Variants in ST6GALNAC3 observed in about 807,000 individuals in gnomAD.
ST6GALNAC3 encodes the protein alpha-N-acetylgalactosaminide alpha-2,6-sialyltransferase 3.
ST6GALNAC3 carries 25 observed loss-of-function variants against 32.7 expected under a neutral mutation model. The ratio of observed to expected loss-of-function variants is 0.76; its 90% confidence interval spans 0.56 to 1.07. The LOEUF (loss-of-function observed/expected upper bound fraction) is 1.07, where lower values mean the gene tolerates loss of function less well. Ranked by LOEUF, ST6GALNAC3 falls within the 50% of genes least tolerant of loss-of-function variation. ST6GALNAC3 has a pLI of 0.00. For missense variants in ST6GALNAC3, 355 were observed against 382.4 expected (o/e 0.93, Z 0.60); for synonymous variants, 129 against 133.1 (o/e 0.97, Z 0.21).
At chr1:76,458,666 A>T (rs1283855477) in intron 3 of ST6GALNAC3, among the ~76,000 whole-genome samples, 1 of 147,460 alleles carries the variant, frequency 6.8e-6, no homozygotes, top group Non-Finnish European at 1.5e-5. Flanking sequence ...ATTCTCACTC[A>T]TAGGTGGGAA....
rs971022276 is a variant in ST6GALNAC3 at position 76,412,376 on chromosome 1, T to C, written c.582T>C (p.Ser194=). ...QIYVTTEKRM[S]YCDGVFKKET... ...ACGTGACCACAGAGAAGCGCATGAGTTACTGTGATGGAGTTTTTAAGAAGG... is the reference window on the plus strand; with the variant it reads ...ACGTGACCACAGAGAAGCGCATGAGCTACTGTGATGGAGTTTTTAAGAAGG... Residue 194 remains serine, a synonymous_variant, in exon 3 of 5, where the codon AGT becomes AGC. Coordinates refer to ENST00000328299, the MANE Select transcript of ST6GALNAC3 (RefSeq NM_152996.4). 1 of 1,609,808 alleles carries C rather than the reference T, an allele frequency of 6.2e-7. No individual in the cohort carries two copies.
chr1:76,164,363 A>G (rs1409033244), intron 1 of ST6GALNAC3, among the ~76,000 whole-genome samples: 1 of 152,154 alleles, frequency 6.6e-6, no homozygotes, highest in Admixed American at 6.6e-5. Context: ...CTGCCCAACT[A>G]AAGGGAACTT....
intron 2 of ST6GALNAC3, among the ~76,000 whole-genome samples, chr1:76,319,708 C>T (rs4421636): frequency 0.39 from 59,807 of 151,890 alleles, 13,856 homozygotes; most frequent in East Asian, 0.82. Context: ...CCGAACATTC[C>T]CATTTATGTA....
intron 1 of ST6GALNAC3, among the ~76,000 whole-genome samples, chr1:76,109,405 C>T (rs2100798147): frequency 6.6e-6 from 1 of 152,300 alleles, no homozygotes; most frequent in South Asian, 2.1e-4. Context: ...GCAGGTTTGT[C>T]ATTTGTTGTT....
At chr1:76,622,656 T>C (rs559636269) in intron 3 of ST6GALNAC3, among the ~76,000 whole-genome samples, 1 of 152,068 alleles carries the variant, frequency 6.6e-6, no homozygotes, top group East Asian at 1.9e-4. Flanking sequence ...CTGTCCAAAA[T>C]GTTAATAGTG....
chr1:76,131,539 C>A (rs1037443837), intron 1 of ST6GALNAC3, among the ~76,000 whole-genome samples: 1 of 152,116 alleles, frequency 6.6e-6, no homozygotes, highest in African/African-American at 2.4e-5. Flanking sequence ...AAGCTGCCAC[C>A]GACTCAGAAA....
intron 3 of ST6GALNAC3, among the ~76,000 whole-genome samples, chr1:76,485,428 A>G (rs1172841149): frequency 2.6e-5 from 4 of 152,154 alleles, no homozygotes; most frequent in African/African-American, 9.7e-5. Context: ...CAGGGATTCA[A>G]CTTCTTCCTG....
At chr1:76,259,463 A>C (rs930067197) in intron 1 of ST6GALNAC3, among the ~76,000 whole-genome samples, 1 of 152,186 alleles carries the variant, frequency 6.6e-6, no homozygotes, top group African/African-American at 2.4e-5. Context: ...AACACTTAGC[A>C]TAATGCCTGG....
chr1:76,478,368 C>T (rs977192902), intron 3 of ST6GALNAC3, among the ~76,000 whole-genome samples: 2 of 152,286 alleles, frequency 1.3e-5, no homozygotes, highest in African/African-American at 2.4e-5. Flanking sequence ...CTGTCCTGAA[C>T]GTTCGCAAAC....
intron 2 of ST6GALNAC3, among the ~76,000 whole-genome samples, chr1:76,391,074 G>A (rs1652505085): frequency 6.6e-6 from 1 of 151,178 alleles, no homozygotes; most frequent in South Asian, 2.1e-4. Flanking sequence ...CGAGTAGCTG[G>A]GACTACGGGC....
At chr1:76,500,261 G>C (rs1661100333) in intron 3 of ST6GALNAC3, among the ~76,000 whole-genome samples, 1 of 152,062 alleles carries the variant, frequency 6.6e-6, no homozygotes, top group Non-Finnish European at 1.5e-5. Flanking sequence ...TCTTTTACAA[G>C]CTGGAGCTGC....
intron 2 of ST6GALNAC3, among the ~76,000 whole-genome samples, chr1:76,355,529 A>G (rs989221170): frequency 6.6e-6 from 1 of 152,220 alleles, no homozygotes; most frequent in Admixed American, 6.5e-5. Context: ...CTTGAGTTGA[A>G]ACAATTTATG....
downstream of ST6GALNAC3, among the ~76,000 whole-genome samples, chr1:76,635,355 G>C (rs1273880388): frequency 6.6e-6 from 1 of 152,146 alleles, no homozygotes; most frequent in African/African-American, 2.4e-5. Flanking sequence ...CAAAATGAGA[G>C]TCATCTTTGG....
intron 1 of ST6GALNAC3, among the ~76,000 whole-genome samples, chr1:76,159,403 C>T (rs1038411952): frequency 1.3e-5 from 2 of 152,118 alleles, no homozygotes; most frequent in South Asian, 2.1e-4. Context: ...AGGCTGGTCT[C>T]GAACTCCTAG....
rs564727821 is a variant in ST6GALNAC3 at position 76,594,565 on chromosome 1, T to C, written c.624-32887T>C. 5.3e-5 allele frequency among the ~76,000 whole-genome samples: 8 copies of C among 152,278 alleles called. No homozygotes were observed. In the East Asian group the frequency reaches 1.2e-3, roughly 22 times the overall value. On this transcript the variant is annotated intron_variant, in intron 3 of 4. Transcript: ENST00000328299. ...TTTCTCCTCCTAAAGGAAAACTAAA[T>C]AACAATAGATAAATAGATGGATGGA...
intron 3 of ST6GALNAC3, among the ~76,000 whole-genome samples, chr1:76,446,001 A>C (rs960088021): frequency 3.9e-5 from 6 of 152,032 alleles, no homozygotes; most frequent in Non-Finnish European, 2.9e-5. Flanking sequence ...GTCTCTCAAC[A>C]CCTTCTTTTT....
intron 3 of ST6GALNAC3, among the ~76,000 whole-genome samples, chr1:76,602,332 C>T (rs952741071): frequency 5.9e-5 from 9 of 151,400 alleles, no homozygotes; most frequent in African/African-American, 1.9e-4. Context: ...TGTGTGTGTG[C>T]GTGTGCATGT....
At chr1:76,107,313 T>G (rs561219070) in intron 1 of ST6GALNAC3, among the ~76,000 whole-genome samples, 5 of 141,808 alleles carry the variant, frequency 3.5e-5, no homozygotes, top group Non-Finnish European at 6.1e-5. Flanking sequence ...TTTTTTTTTT[T>G]TATAATAATC....
chr1:76,505,774 A>C (rs1390936668), intron 3 of ST6GALNAC3, among the ~76,000 whole-genome samples: 1 of 152,160 alleles, frequency 6.6e-6, no homozygotes, highest in East Asian at 1.9e-4. Context: ...AGGCTACACT[A>C]TCATGAATCT....
Sources: allele counts gnomAD v4.1 joint callset (sites outside exome capture counted in the v4.1 genomes callset), GRCh38; gene constraint gnomAD v4.1.1; transcripts MANE v1.5; gene names NCBI Gene and HGNC (gene_info 2026-07-23, HGNC 2026-07-21).